Variants in GSK3B observed in about 807,000 individuals in gnomAD.
GSK3B encodes the protein glycogen synthase kinase 3 beta.
In GSK3B, 15 loss-of-function variants were observed where a neutral mutation model predicts 56.4. The ratio of observed to expected loss-of-function variants is 0.27; its 90% CI spans 0.18 to 0.41. The LOEUF (loss-of-function observed/expected upper bound fraction) is 0.41. GSK3B is among the 10% of genes least tolerant of loss of function. The pLI is 1.00. For synonymous variants in GSK3B, 181 were observed against 188.9 expected (o/e 0.96, Z 0.34); for missense variants, 300 against 513.4 (o/e 0.58, Z 4.02).
At chr3:120,068,420 G>A (rs558401416) in intron 1 of GSK3B, among the ~76,000 whole-genome samples, 40 of 144,380 alleles carry the variant, frequency 2.8e-4, no homozygotes, top group African/African-American at 8.5e-4. Flanking sequence ...AATTTGGGAC[G>A]CCAGGAGCGG....
intron 6 of GSK3B, among the ~76,000 whole-genome samples, chr3:119,907,742 A>G (rs2056696855): frequency 6.6e-6 from 1 of 152,212 alleles, no homozygotes; most frequent in Non-Finnish European, 1.5e-5. Context: ...TTTCATAGAT[A>G]AGGAAATTAA....
At position 119,822,182 on chromosome 3, in the gene GSK3B, C is replaced by T. The variant is rs529049697; in HGVS notation, c.*4606G>A. ...TAATGTTATACAGATTTTGCTTTTCCTTTATATCAAGACAGATTTGCACAA... is the reference window on the plus strand; with the variant it reads ...TAATGTTATACAGATTTTGCTTTTCTTTTATATCAAGACAGATTTGCACAA... On this transcript the variant is annotated 3_prime_UTR_variant, in exon 11 of 11. Transcript: ENST00000264235. The T allele has an allele frequency of 6.4e-5, 12 of 187,204 alleles. No individual in the cohort carries two copies. The highest frequency in any genetic ancestry group is 1.3e-4 in the Non-Finnish European group (12 of 89,940). 11.6% of individuals were successfully genotyped at this position (187,204 alleles called of 1,614,324 possible). A position where few individuals can be genotyped will look rare whatever the true frequency, so the allele number is the denominator to read the frequency against.
intron 1 of GSK3B, among the ~76,000 whole-genome samples, chr3:120,042,277 T>G (rs2107532901): frequency 1.3e-5 from 2 of 152,240 alleles, no homozygotes; most frequent in South Asian, 4.2e-4. Context: ...GAAAAGCTAG[T>G]AAGAACAGGC....
chr3:120,042,984 CA>C (rs2058075677), intron 1 of GSK3B, among the ~76,000 whole-genome samples: 1 of 152,202 alleles, frequency 6.6e-6, no homozygotes, highest in South Asian at 2.1e-4. Context: ...GACATTCCTA[CA>C]TTTAAAACAA....
At chr3:120,083,507 T>TA (rs965982507) in intron 1 of GSK3B, among the ~76,000 whole-genome samples, 76 of 151,016 alleles carry the variant, frequency 5.0e-4, no homozygotes, top group African/African-American at 1.4e-3. Context: ...AAACAGTATT[T>TA]AAAAAAAAAG....
chr3:119,843,964 A>T (rs2055817429), intron 9 of GSK3B, among the ~76,000 whole-genome samples: 2 of 152,198 alleles, frequency 1.3e-5, no homozygotes, highest in African/African-American at 4.8e-5. Flanking sequence ...CAGAAATCAT[A>T]ACAAACAGTC....
In GSK3B at chr3:119,956,529, C is replaced by T. The variant is rs201069188; in HGVS notation, c.283-9178G>A. 9.2e-5 allele frequency among the ~76,000 whole-genome samples: 14 copies of T among 152,236 alleles called. No individual in the cohort carries two copies. In the South Asian group the frequency reaches 1.5e-3, roughly 16 times the overall value. ...TCCAATGAGCACTCCCTTTAAACAT[C>T]GTGTTGGTGCTCAAAAAGTTTTAAA... On this transcript the variant is annotated intron_variant, in intron 2 of 10. Coordinates refer to ENST00000264235, the MANE Select transcript of GSK3B (RefSeq NM_001146156.2).
intron 9 of GSK3B, among the ~76,000 whole-genome samples, chr3:119,853,745 T>C (rs183341868): frequency 2.0e-5 from 3 of 152,318 alleles, no homozygotes; most frequent in Non-Finnish European, 4.4e-5. Context: ...TGTATAAGAA[T>C]GCTTGTGATT....
chr3:119,936,093 A>G (rs1016721949), intron 3 of GSK3B, among the ~76,000 whole-genome samples: 8 of 152,070 alleles, frequency 5.3e-5, no homozygotes, highest in Admixed American at 2.0e-4. Context: ...TGATAACACT[A>G]TATCTATGAA....
At chr3:119,913,660 C>CAA (rs199773113) in intron 5 of GSK3B, among the ~76,000 whole-genome samples, 12 of 141,478 alleles carry the variant, frequency 8.5e-5, no homozygotes, top group African/African-American at 2.8e-4. Flanking sequence ...CAGTAAGTGC[C>CAA]AAAAAAAAAA....
intron 5 of GSK3B, among the ~76,000 whole-genome samples, chr3:119,915,104 C>T (rs762795787): frequency 6.6e-6 from 1 of 151,880 alleles, no homozygotes; most frequent in Non-Finnish European, 1.5e-5. Flanking sequence ...ATCAGAGAGG[C>T]ACAAAGTACT....
chr3:120,070,896 A>G (rs1006073548), intron 1 of GSK3B, among the ~76,000 whole-genome samples: 4 of 152,210 alleles, frequency 2.6e-5, no homozygotes, highest in Non-Finnish European at 5.9e-5. Flanking sequence ...GTTCTGCCTC[A>G]TTATTAGTTT....
In GSK3B at chr3:119,844,478, T is replaced by TA. The variant is rs1435131974; in HGVS notation, c.1097-1126dup. 4.6e-5 allele frequency among the ~76,000 whole-genome samples: 7 copies of TA among 151,378 alleles called. No homozygotes were observed. In the East Asian group the frequency reaches 1.4e-3, roughly 29 times the overall value. ...AGAGAGAAGAATCAAATAGACACAA[T>TA]AAAAAATGATAAAGGGGAGATCACC... On this transcript the variant is annotated intron_variant, in intron 9 of 10. Coordinates refer to ENST00000264235, the MANE Select transcript of GSK3B (RefSeq NM_001146156.2).
At chr3:119,868,558 T>C (rs1472808880) in intron 8 of GSK3B, among the ~76,000 whole-genome samples, 2 of 152,208 alleles carry the variant, frequency 1.3e-5, no homozygotes, top group Non-Finnish European at 2.9e-5. Flanking sequence ...CTAAGACCTA[T>C]GGTTAACATG....
At chr3:119,956,200 G>T (rs1206032591) in intron 2 of GSK3B, among the ~76,000 whole-genome samples, 1 of 152,142 alleles carries the variant, frequency 6.6e-6, no homozygotes, top group Non-Finnish European at 1.5e-5. Flanking sequence ...AGTGGCCGGG[G>T]AAGCTGTTTT....
intron 1 of GSK3B, among the ~76,000 whole-genome samples, chr3:120,052,855 C>A (rs2058161531): frequency 6.6e-6 from 1 of 152,196 alleles, no homozygotes. Context: ...GTTTTTCATG[C>A]ATTACATCAT....
intron 7 of GSK3B, among the ~76,000 whole-genome samples, chr3:119,896,319 G>A (rs1407218472): frequency 6.6e-6 from 1 of 151,768 alleles, no homozygotes; most frequent in Non-Finnish European, 1.5e-5. Context: ...CATATTCATA[G>A]GAGTCAAAAG....
At chr3:119,994,725 G>A (rs543768915) in intron 2 of GSK3B, among the ~76,000 whole-genome samples, 1 of 152,138 alleles carries the variant, frequency 6.6e-6, no homozygotes, top group African/African-American at 2.4e-5. Flanking sequence ...GTCCTATACT[G>A]TTCAAAAACA....
chr3:120,080,586 C>T (rs1576315755), intron 1 of GSK3B, among the ~76,000 whole-genome samples: 1 of 152,012 alleles, frequency 6.6e-6, no homozygotes, highest in African/African-American at 2.4e-5. Context: ...ATCCCAGCAC[C>T]TTGGGAGGCC....
Sources: gnomAD v4.1 joint callset for allele counts (sites outside exome capture counted in the v4.1 genomes callset) on GRCh38, gnomAD v4.1.1 for gene constraint, MANE v1.5 for transcripts, NCBI Gene and HGNC (gene_info 2026-07-23, HGNC 2026-07-21) for gene names.